Variants in TXNRD1 observed in about 807,000 individuals in gnomAD.
TXNRD1 encodes the protein thioredoxin reductase 1, also known as thioredoxin reductase 1, cytoplasmic.
TXNRD1 carries 57 observed loss-of-function variants against 80.3 expected under a neutral mutation model. The observed-to-expected ratio is 0.71, with a 90% confidence interval of 0.57 to 0.89. TXNRD1 has a LOEUF of 0.89. Among genes scored for constraint, TXNRD1 ranks in the 40% least tolerant of loss-of-function variants. The pLI is 0.00. For missense variants in TXNRD1, 730 were observed against 803.0 expected (o/e 0.91, Z 1.10); for synonymous variants, 291 against 285.2 (o/e 1.02, Z -0.20).
intron 3 of TXNRD1, among the ~76,000 whole-genome samples, chr12:104,262,903 A>G (rs1194855096): frequency 6.6e-6 from 1 of 152,008 alleles, no homozygotes; most frequent in Non-Finnish European, 1.5e-5. Flanking sequence ...TTGCAATAGT[A>G]TCACCTCTCA....
intron 3 of TXNRD1, chr12:104,287,358 C>A: frequency 1.9e-6 from 3 of 1,613,958 alleles, no homozygotes; most frequent in Non-Finnish European, 2.5e-6. Flanking sequence ...TAGGTGAGGC[C>A]GGCGCCTGTA....
chr12:104,228,128 C>T (rs572224125), intron 1 of TXNRD1, among the ~76,000 whole-genome samples: 2 of 151,954 alleles, frequency 1.3e-5, no homozygotes, highest in Non-Finnish European at 2.9e-5. Flanking sequence ...CATGGAGAAA[C>T]CCCATCTCTA....
At position 104,313,293 on chromosome 12, in the gene TXNRD1, C is replaced by G. The variant is rs771768747; in HGVS notation, c.586C>G (p.Pro196Ala). The change falls in exon 6 of 17, where the codon CCC (proline) becomes GCC (alanine). Residue 196 changes from proline to alanine, a missense_variant. Coordinates refer to ENST00000525566, the MANE Select transcript of TXNRD1 (RefSeq NM_001093771.3). ...GGTGATGGTCCTGGACTTTGTCACT[C>G]CCACCCCTCTTGGAACTAGATGGGG... ...KKVMVLDFVT[P>A]TPLGTRWGLG... is the part of the protein sequence containing the mutation. The G allele has an allele frequency of 3.1e-6, 5 of 1,591,846 alleles. No homozygotes were observed. The Admixed American group carries it at 8.7e-5, about 28-fold the overall frequency.
intron 9 of TXNRD1, among the ~76,000 whole-genome samples, chr12:104,320,207 A>G (rs1193424768): frequency 5.3e-5 from 8 of 152,264 alleles, no homozygotes; most frequent in Admixed American, 5.2e-4. Flanking sequence ...TTATGAAGTC[A>G]TTAAGACAGA....
At chr12:104,260,227 G>A (rs2033337654) in intron 3 of TXNRD1, among the ~76,000 whole-genome samples, 1 of 152,116 alleles carries the variant, frequency 6.6e-6, no homozygotes, top group South Asian at 2.1e-4. Context: ...CAGCACTTTG[G>A]GAGGCAGAGG....
Position 104,311,500 on chromosome 12 carries a change from G to A in TXNRD1, c.537+88G>A, listed in dbSNP as rs146551042. ...TGACAGGGTTCTCTCCTCTCTCTGT[G>A]GAATTTATTTGATCCACTCCTGTGA... On this transcript the variant is annotated intron_variant, in intron 5 of 16. Coordinates refer to ENST00000525566, the MANE Select transcript of TXNRD1 (RefSeq NM_001093771.3). 2.0e-4 allele frequency: 298 copies of A among 1,487,944 alleles called. 3 individuals are homozygous for A. In the East Asian group the frequency reaches 5.4e-3, roughly 27 times the overall value. The allele number at this position is 1,487,944 out of a possible 1,614,324, so 92.2% of individuals were successfully genotyped here. A position where few individuals can be genotyped will look rare whatever the true frequency, so the allele number is the denominator to read the frequency against.
At chr12:104,240,980 A>T (rs2032847040) in intron 1 of TXNRD1, among the ~76,000 whole-genome samples, 1 of 151,070 alleles carries the variant, frequency 6.6e-6, no homozygotes, top group Non-Finnish European at 1.5e-5. Context: ...TGACTTCGTG[A>T]TCCGCCCGCC....
At chr12:104,297,110 C>T (rs2034459358) in intron 4 of TXNRD1, among the ~76,000 whole-genome samples, 1 of 151,736 alleles carries the variant, frequency 6.6e-6, no homozygotes, top group Non-Finnish European at 1.5e-5. Context: ...TTGAGACTGA[C>T]CTGGCCAACA....
intron 3 of TXNRD1, among the ~76,000 whole-genome samples, chr12:104,285,374 G>A (rs531442632): frequency 1.3e-5 from 2 of 152,194 alleles, no homozygotes; most frequent in East Asian, 1.9e-4. Flanking sequence ...GTTTTAAAAT[G>A]GTGATTTTAA....
chr12:104,316,357 G>A lies in TXNRD1; in HGVS notation c.730+461G>A, dbSNP rs2035327651. Among the ~76,000 whole-genome samples the A allele has an allele frequency of 3.3e-5, 5 of 152,202 alleles. No individual in the cohort carries two copies. The South Asian group carries it at 1.0e-3, about 32-fold the overall frequency. On this transcript the variant is annotated intron_variant, in intron 7 of 16. Transcript: ENST00000525566. ...TTAGAGTACCCTAGAAACCCTAGAT[G>A]AGTTTAAGAGATTGGAATTGTTAAT...
chr12:104,285,659 A>G (rs1330725129), intron 3 of TXNRD1, among the ~76,000 whole-genome samples: 1 of 152,202 alleles, frequency 6.6e-6, no homozygotes, highest in East Asian at 1.9e-4. Context: ...TATTTTCAAT[A>G]TATTTCTAAG....
chr12:104,291,113 C>A, intron 4 of TXNRD1: 1 of 635,238 alleles, frequency 1.6e-6, no homozygotes, highest in Non-Finnish European at 2.8e-6. Flanking sequence ...AGGTATAGTG[C>A]CATGAATGAA....
chr12:104,256,535 C>G (rs1371571342), intron 2 of TXNRD1, among the ~76,000 whole-genome samples: 1 of 152,008 alleles, frequency 6.6e-6, no homozygotes, highest in East Asian at 1.9e-4. Context: ...AATCCCAGCA[C>G]TTTGGGAGGC....
chr12:104,266,078 A>G (rs1053472007), intron 3 of TXNRD1, among the ~76,000 whole-genome samples: 3 of 151,948 alleles, frequency 2.0e-5, no homozygotes, highest in Admixed American at 1.3e-4. Flanking sequence ...GAGGCACAAT[A>G]TTTTTTCCTG....
chr12:104,223,120 G>A (rs1437673057), intron 1 of TXNRD1, among the ~76,000 whole-genome samples: 1 of 152,150 alleles, frequency 6.6e-6, no homozygotes, highest in Non-Finnish European at 1.5e-5. Flanking sequence ...TGTAGCTATG[G>A]CTGCCTTGAG....
At chr12:104,236,451 G>A (rs1446762141) in intron 1 of TXNRD1, among the ~76,000 whole-genome samples, 1 of 152,190 alleles carries the variant, frequency 6.6e-6, no homozygotes, top group African/African-American at 2.4e-5. Context: ...CATGGCTAAA[G>A]TCGAGTAACA....
At position 104,289,032 on chromosome 12, in the gene TXNRD1, A is replaced by G. The variant is rs759951170; in HGVS notation, c.406A>G (p.Thr136Ala). The G allele has an allele frequency of 6.2e-6, 10 of 1,613,818 alleles. No individual in the cohort carries two copies. Among genetic ancestry groups the G allele is most frequent in the Non-Finnish European group, 7.6e-6 (9 of 1,179,830 alleles). ...GAGAAAGATAGGCGGCCATGGTCCA[A>G]CCTTGAAGGTAGGAGAGAGTAACGT... ...KQRKIGGHGP[T>A]LKAYQEGRLQ... The change falls in exon 4 of 17, where the codon ACC becomes GCC. Residue 136 changes from threonine to alanine, a missense_variant. Physicochemically the swap from Thr to Ala is moderately conservative, Grantham distance 58. Transcript: ENST00000525566.
At chr12:104,240,371 A>AGATT (rs10649164) in intron 1 of TXNRD1, among the ~76,000 whole-genome samples, 138,050 of 151,964 alleles carry the variant, frequency 0.91, 62,948 homozygotes, top group African/African-American at 0.98. Flanking sequence ...TCAACTGGGA[A>AGATT]GATTGAGGTA....
chr12:104,269,993 G>C, intron 3 of TXNRD1, among the ~76,000 whole-genome samples: 1 of 152,126 alleles, frequency 6.6e-6, no homozygotes, highest in East Asian at 1.9e-4. Context: ...TTATAGATGT[G>C]CACCACCATG....
Sources: gnomAD v4.1 joint callset for allele counts (sites outside exome capture counted in the v4.1 genomes callset) on GRCh38, gnomAD v4.1.1 for gene constraint, MANE v1.5 for transcripts, NCBI Gene and HGNC (gene_info 2026-07-23, HGNC 2026-07-21) for gene names.